SLC22A25: variants seen among roughly 807,000 people sequenced by gnomAD.
SLC22A25 encodes solute carrier family 22 member 25, also known as MGI:2442751, MGI:2385316, MGI:3042283, MGI:3645714, MGI:3605624, MGI:2442750.
A neutral mutation model predicts 45.9 loss-of-function variants in SLC22A25; 44 were observed. The ratio of observed to expected loss-of-function variants is 0.96; its 90% CI spans 0.75 to 1.23. The LOEUF (loss-of-function observed/expected upper bound fraction) is 1.23, where lower values mean the gene tolerates loss of function less well. Ranked by LOEUF, SLC22A25 falls within the 50% of genes most tolerant of loss-of-function variation. The pLI is 0.00. For missense variants in SLC22A25, 800 were observed against 666.4 expected (o/e 1.20, Z -2.21); for synonymous variants, 283 against 238.6 (o/e 1.19, Z -1.72).
Position 63,200,852 on chromosome 11 carries a change from G to A in SLC22A25, c.830+16462C>T, listed in dbSNP as rs371191275. ...ATGTGCAAAAATCACTAGCATTCCTGTACACCAACAACAGCCAAGCCAAGA... is the reference window on the plus strand; with the variant it reads ...ATGTGCAAAAATCACTAGCATTCCTATACACCAACAACAGCCAAGCCAAGA... On this transcript the variant is annotated intron_variant, in intron 7 of 11. Coordinates refer to ENST00000306494, the MANE Select transcript of SLC22A25 (RefSeq NM_199352.6). Among the ~76,000 whole-genome samples the A allele has an allele frequency of 4.3e-4, 65 of 152,120 alleles. 1 individual carries two copies. The East Asian group carries it at 0.01, about 24-fold the overall frequency.
chr11:63,217,526 A>C (rs2089745857), intron 6 of SLC22A25, 44 bp from the exon 7 acceptor site: 1 of 1,610,778 alleles, frequency 6.2e-7, no homozygotes. Context: ...ATACAGGTGG[A>C]GCTTCAATGT....
intron 9 of SLC22A25, among the ~76,000 whole-genome samples, chr11:63,176,389 A>T (rs972122663): frequency 2.6e-5 from 4 of 151,784 alleles, no homozygotes; most frequent in Non-Finnish European, 5.9e-5. Context: ...TATTTCATCA[A>T]TGTTTTGTAG....
In SLC22A25 at chr11:63,163,004, C is replaced by A. The variant is rs1344193905; in HGVS notation, c.*820G>T. 1.3e-5 allele frequency among the ~76,000 whole-genome samples: 2 copies of A among 152,070 alleles called. No homozygotes were observed. The highest frequency in any genetic ancestry group is 6.6e-5 in the Admixed American group (1 of 15,248). On this transcript the variant is annotated 3_prime_UTR_variant, in exon 12 of 12. Transcript: ENST00000306494. The stretch of plus-strand genomic sequence containing the variant: ...AATGAAACCAACAAACAAAAAAGCT[C>A]AAAAATGAAAGACATGGACTAAACA...
chr11:63,178,586 CTTG>C (rs1287537314), intron 9 of SLC22A25, among the ~76,000 whole-genome samples: 2 of 151,196 alleles, frequency 1.3e-5, no homozygotes, highest in Non-Finnish European at 1.5e-5. Flanking sequence ...ATTTTTTATA[CTTG>C]TTGGTCATTT....
intron 9 of SLC22A25, among the ~76,000 whole-genome samples, chr11:63,170,202 T>G (rs1443795267): frequency 6.6e-6 from 1 of 151,828 alleles, no homozygotes; most frequent in Non-Finnish European, 1.5e-5. Flanking sequence ...AGTGCCCACA[T>G]CAGAAAGCGA....
intron 7 of SLC22A25, among the ~76,000 whole-genome samples, chr11:63,200,413 G>T (rs904387297): frequency 6.6e-6 from 1 of 150,942 alleles, no homozygotes; most frequent in Non-Finnish European, 1.5e-5. Context: ...ACACATGGTT[G>T]TCTCAAGAGA....
chr11:63,178,269 G>A (rs1258745155), intron 9 of SLC22A25, among the ~76,000 whole-genome samples: 1 of 151,926 alleles, frequency 6.6e-6, no homozygotes, highest in African/African-American at 2.4e-5. Context: ...GAATACTGCT[G>A]CAAAAAACAT....
chr11:63,221,198 C>G (rs188012166), intron 5 of SLC22A25, among the ~76,000 whole-genome samples: 1 of 152,248 alleles, frequency 6.6e-6, no homozygotes, highest in Admixed American at 6.5e-5. Context: ...TGAGGAACCT[C>G]CAAATTGTTT....
intron 7 of SLC22A25, among the ~76,000 whole-genome samples, chr11:63,185,863 G>A (rs1463688700): frequency 1.3e-5 from 2 of 149,498 alleles, no homozygotes; most frequent in South Asian, 4.3e-4. Flanking sequence ...TCCCTACAAA[G>A]GACGTGAACT....
intron 5 of SLC22A25, among the ~76,000 whole-genome samples, chr11:63,220,834 T>A (rs11231412): frequency 0.37 from 55,679 of 151,946 alleles, 10,507 homozygotes; most frequent in East Asian, 0.56. Context: ...TGAGTTTAAT[T>A]GTTTTAGTTT....
At chr11:63,219,407 C>T (rs1249496701) in intron 5 of SLC22A25, among the ~76,000 whole-genome samples, 2 of 152,112 alleles carry the variant, frequency 1.3e-5, no homozygotes, top group African/African-American at 2.4e-5. Context: ...GAAGTGGTAT[C>T]GTGTGCAATC....
In SLC22A25 at chr11:63,215,597, A is replaced by G. The variant is rs188027223; in HGVS notation, c.830+1717T>C. ...AGAGTATAATAAAATAAAAGTGGGC[A>G]TAGGACATGGACAGACACTTTTCTT... is the stretch of plus-strand genomic sequence containing the variant. On this transcript the variant is annotated intron_variant, in intron 7 of 11. Transcript: ENST00000306494. 2.1e-4 allele frequency among the ~76,000 whole-genome samples: 32 copies of G among 152,332 alleles called. No individual in the cohort carries two copies. In the East Asian group the frequency reaches 6.2e-3, roughly 29 times the overall value.
chr11:63,243,501 T>TG lies in SLC22A25; in HGVS notation c.-1064dup, dbSNP rs1416845646. 7 of 763,030 alleles carry TG rather than the reference T, an allele frequency of 9.2e-6. No individual in the cohort carries two copies. Among genetic ancestry groups the TG allele is most frequent in the Admixed American group, 1.7e-5 (1 of 57,702 alleles). 47.3% of individuals were successfully genotyped at this position (763,030 alleles called of 1,614,324 possible). The stretch of plus-strand genomic sequence containing the variant: ...CTGCAACTCCTGGGTGCTGTCTGCA[T>TG]GTTCCTGGCCTCCAGGCTCAAAGAG... On this transcript the variant is annotated 5_prime_UTR_variant, in exon 1 of 12. It introduces an in-frame stop codon into an upstream open reading frame of the 5' UTR. Coordinates refer to ENST00000306494, the MANE Select transcript of SLC22A25 (RefSeq NM_199352.6).
rs1565055465 is a variant in SLC22A25, at chr11:63,163,915, G to A, written c.1553C>T (p.Thr518Ile). 2 of 1,613,914 alleles carry A rather than the reference G, an allele frequency of 1.2e-6. No homozygotes were observed. The highest frequency in any genetic ancestry group is 2.2e-5 in the South Asian group (2 of 91,054). ...SGLVVLLLPETRNQPLLDSIQ... is the reference protein window; with the variant it reads ...SGLVVLLLPEIRNQPLLDSIQ... ...GCTGTCAAGAAGAGGCTGGTTCCTG[G>A]TTTCAGGAAGGAGGAGGACAACAAG... Residue 518 changes from threonine (T) to isoleucine (I), a missense_variant, in exon 12 of 12, where the codon ACC becomes ATC. Coordinates refer to ENST00000306494, the MANE Select transcript of SLC22A25 (RefSeq NM_199352.6).
intron 9 of SLC22A25, chr11:63,166,490 C>T: frequency 7.7e-7 from 1 of 1,296,738 alleles, no homozygotes; most frequent in East Asian, 3.1e-5. Context: ...GGAGGATGTG[C>T]TATGGGGTTT....
At chr11:63,220,961 C>CT (rs1248029608) in intron 5 of SLC22A25, among the ~76,000 whole-genome samples, 3 of 152,262 alleles carry the variant, frequency 2.0e-5, no homozygotes, top group Admixed American at 1.3e-4. Flanking sequence ...AGATCTCATT[C>CT]TTTTTTATGG....
Position 63,229,804 on chromosome 11 carries a change from G to T in SLC22A25, c.-152C>A. On this transcript the variant is annotated 5_prime_UTR_variant, in exon 4 of 12. It adds an upstream start codon to the 5' untranslated region. Transcript: ENST00000306494. ...TAATGGGCCCTCTCTCCCATCTGCA[G>T]CAGGGTCACGGAAGCAATTTCCTCA... 1.3e-6 allele frequency: 1 copy of T among 794,976 alleles called. No homozygotes were observed. Among genetic ancestry groups the T allele is most frequent in the Non-Finnish European group, 1.9e-6 (1 of 540,422 alleles). 49.2% of individuals were successfully genotyped at this position (794,976 alleles called of 1,614,324 possible).
chr11:63,240,174 A>G (rs1446246637), intron 1 of SLC22A25, among the ~76,000 whole-genome samples: 2 of 152,160 alleles, frequency 1.3e-5, no homozygotes, highest in Admixed American at 1.3e-4. Context: ...CTAAACATAG[A>G]AAAGTTAGAG....
At chr11:63,177,076 G>T (rs2088115283) in intron 9 of SLC22A25, among the ~76,000 whole-genome samples, 2 of 151,832 alleles carry the variant, frequency 1.3e-5, no homozygotes, top group Non-Finnish European at 2.9e-5. Context: ...CTTTCTGTTG[G>T]CCTGTAAACT....
Sources: allele counts gnomAD v4.1 joint callset (sites outside exome capture counted in the v4.1 genomes callset), GRCh38; gene constraint gnomAD v4.1.1; transcripts MANE v1.5; gene names NCBI Gene and HGNC (gene_info 2026-07-23, HGNC 2026-07-21).